The following POLA1 variants were observed in gnomAD, a reference collection of about 807,000 sequenced individuals.
POLA1 encodes DNA polymerase alpha 1, catalytic subunit.
Under a neutral mutation model 124.0 loss-of-function variants are expected in POLA1, and 15 were observed. The ratio of observed to expected loss-of-function variants is 0.12; its 90% CI spans 0.08 to 0.19. POLA1 has a LOEUF of 0.19. Ranked by LOEUF, POLA1 falls within the 10% of genes least tolerant of loss-of-function variation. The pLI is 1.00. For missense variants in POLA1, 886 were observed against 1,103.4 expected (o/e 0.80, Z 2.79); for synonymous variants, 408 against 389.4 (o/e 1.05, Z -0.56).
At chrX:24,704,532 ATGACTTG>A in intron 4 of POLA1, 63 bp downstream of exon 4, 1 of 736,525 alleles carries the variant, frequency 1.4e-6, no homozygotes, top group Non-Finnish European at 2.1e-6. Flanking sequence ...AAAATTAGAG[ATGACTTG>A]ATACTCTGAT....
intron 14 of POLA1, among the ~76,000 whole-genome samples, chrX:24,727,344 A>G (rs1930604116): frequency 9.0e-6 from 1 of 111,159 alleles, no homozygotes; most frequent in Non-Finnish European, 1.9e-5. Flanking sequence ...GATGTGGCCC[A>G]GCTGTTGTGC....
chrX:24,797,931 C>T (rs1046014857), intron 26 of POLA1, among the ~76,000 whole-genome samples: 1 of 108,743 alleles, frequency 9.2e-6, no homozygotes, highest in Non-Finnish European at 1.9e-5. Context: ...GCCTATAGTC[C>T]CAGCTACTTG....
intron 4 of POLA1, among the ~76,000 whole-genome samples, chrX:24,709,409 C>G (rs1929157586): frequency 1.0e-5 from 1 of 99,680 alleles, no homozygotes; most frequent in South Asian, 5.0e-4. Flanking sequence ...CCACCTCCCT[C>G]CCGGACGGCA....
intron 35 of POLA1, among the ~76,000 whole-genome samples, chrX:24,904,738 TTA>T (rs1176107298): frequency 3.6e-5 from 4 of 111,517 alleles, no homozygotes; most frequent in Non-Finnish European, 7.5e-5. Context: ...ATAAGGTTGT[TTA>T]TGAGTCGGGT....
chrX:24,762,517 G>A (rs1387845827), intron 26 of POLA1, among the ~76,000 whole-genome samples: 2 of 111,593 alleles, frequency 1.8e-5, no homozygotes, highest in Non-Finnish European at 3.8e-5. Context: ...AGTTAACTAG[G>A]TAAAGAGTTG....
At chrX:24,840,343 G>C (rs1223910767) in intron 32 of POLA1, among the ~76,000 whole-genome samples, 2 of 112,264 alleles carry the variant, frequency 1.8e-5, no homozygotes, top group African/African-American at 6.5e-5. Flanking sequence ...GCAGTAGGCA[G>C]CGTTGAACTC....
intron 36 of POLA1, among the ~76,000 whole-genome samples, chrX:24,937,449 A>T (rs1032115744): frequency 6.3e-5 from 7 of 111,720 alleles, no homozygotes; most frequent in Non-Finnish European, 5.6e-5. Context: ...CTGAGCATGT[A>T]CTGCTCTCAT....
intron 34 of POLA1, among the ~76,000 whole-genome samples, chrX:24,882,957 C>T (rs1054743036): frequency 1.1e-4 from 12 of 111,725 alleles, no homozygotes; most frequent in Non-Finnish European, 2.1e-4. Context: ...AACTGATTTA[C>T]ATTCCCACCA....
intron 35 of POLA1, among the ~76,000 whole-genome samples, chrX:24,900,438 G>A (rs1213267776): frequency 8.9e-6 from 1 of 112,295 alleles, no homozygotes; most frequent in Non-Finnish European, 1.9e-5. Context: ...CATAGTCTGA[G>A]TAAACATACA....
intron 35 of POLA1, among the ~76,000 whole-genome samples, chrX:24,914,253 T>C (rs1160523790): frequency 9.0e-6 from 1 of 110,730 alleles, no homozygotes; most frequent in Non-Finnish European, 1.9e-5. Context: ...AAGTAAGATT[T>C]TTTTTAATAG....
chrX:24,791,699 T>A (rs985102889), intron 26 of POLA1, among the ~76,000 whole-genome samples: 37 of 112,660 alleles, frequency 3.3e-4, no homozygotes, highest in Non-Finnish European at 3.6e-4. Flanking sequence ...TATTGTTTTT[T>A]AAAATTTATC....
intron 26 of POLA1, chrX:24,788,739 C>T (rs751941019): frequency 1.2e-5 from 15 of 1,204,671 alleles, no homozygotes; most frequent in South Asian, 1.8e-5. Flanking sequence ...TCTTCACTTT[C>T]CTCCTCATCA....
chrX:24,913,438 G>A (rs2047479686), intron 35 of POLA1, among the ~76,000 whole-genome samples: 1 of 111,220 alleles, frequency 9.0e-6, no homozygotes, highest in Non-Finnish European at 1.9e-5. Context: ...AAGGCCAGGT[G>A]TGGTGGCTCA....
intron 36 of POLA1, among the ~76,000 whole-genome samples, chrX:24,969,193 G>A (rs756085543): frequency 3.6e-4 from 39 of 107,647 alleles, no homozygotes; most frequent in Non-Finnish European, 6.7e-4. Context: ...GGGTAACAGA[G>A]CAAGACTCCG....
At chrX:24,798,282 G>A (rs2045645949) in intron 26 of POLA1, among the ~76,000 whole-genome samples, 2 of 111,226 alleles carry the variant, frequency 1.8e-5, no homozygotes, top group South Asian at 3.8e-4. Flanking sequence ...TATGTCATTT[G>A]ATTGATTCTT....
intron 35 of POLA1, among the ~76,000 whole-genome samples, chrX:24,914,127 C>T (rs956733322): frequency 5.5e-5 from 6 of 110,021 alleles, no homozygotes; most frequent in East Asian, 2.8e-4. Context: ...GAGGCTGAGG[C>T]GGGAGGATCG....
At chrX:24,991,752 G>A (rs913734202) in intron 36 of POLA1, among the ~76,000 whole-genome samples, 1 of 112,542 alleles carries the variant, frequency 8.9e-6, no homozygotes, top group African/African-American at 3.2e-5. Flanking sequence ...CTGTATTTTG[G>A]TATCAACATA....
At chrX:24,897,080 A>G (rs1192829234) in intron 35 of POLA1, among the ~76,000 whole-genome samples, 1 of 111,826 alleles carries the variant, frequency 8.9e-6, no homozygotes, top group Non-Finnish European at 1.9e-5. Context: ...ATGCTATTGG[A>G]TGAGAAGGGT....
At chrX:24,837,676 C>A (rs2046359934) in intron 32 of POLA1, among the ~76,000 whole-genome samples, 1 of 112,010 alleles carries the variant, frequency 8.9e-6, no homozygotes, top group South Asian at 3.7e-4. Flanking sequence ...TGGACTCATG[C>A]AAAAGATAAA....
Sources: allele counts gnomAD v4.1 joint callset (sites outside exome capture counted in the v4.1 genomes callset), GRCh38; gene constraint gnomAD v4.1.1; transcripts MANE v1.5; gene names NCBI Gene and HGNC (gene_info 2026-07-23, HGNC 2026-07-21).